DPP6: variants seen among roughly 807,000 people sequenced by gnomAD.
DPP6 encodes A-type potassium channel modulatory protein DPP6.
Under a neutral mutation model 122.6 loss-of-function variants are expected in DPP6, and 69 were observed. That is an observed-to-expected ratio of 0.56 (90% CI 0.46 to 0.69). The LOEUF is 0.69. DPP6 is among the 30% of genes least tolerant of loss of function. The pLI, the probability that DPP6 is intolerant of heterozygous loss-of-function variation, is 0.00. For missense variants in DPP6, 928 were observed against 1,116.9 expected, an observed-to-expected ratio of 0.83 and a Z score of 2.41; for synonymous variants, 418 against 433.1, an observed-to-expected ratio of 0.97 and a Z score of 0.43.
upstream of DPP6, among the ~76,000 whole-genome samples, chr7:154,050,320 T>C (rs1164173080): frequency 2.6e-5 from 4 of 152,246 alleles, no homozygotes; most frequent in Non-Finnish European, 5.9e-5. Context: ...CACATATGCT[T>C]TATCCCAATA....
At chr7:154,491,135 A>G (rs534469071) in intron 3 of DPP6, among the ~76,000 whole-genome samples, 2 of 152,298 alleles carry the variant, frequency 1.3e-5, no homozygotes, top group East Asian at 3.9e-4. Flanking sequence ...TTTCTTCTCA[A>G]TGGCTTCTGA....
In DPP6 at chr7:154,815,497, A is replaced by G. The variant is rs373737870; in HGVS notation, c.1666+8385A>G. 3.3e-5 allele frequency among the ~76,000 whole-genome samples: 5 copies of G among 152,356 alleles called. No homozygotes were observed. The East Asian group carries it at 7.7e-4, about 23-fold the overall frequency. On this transcript the variant is annotated intron_variant, in intron 16 of 25. Coordinates refer to ENST00000377770, the MANE Select transcript of DPP6 (RefSeq NM_130797.4). The stretch of plus-strand genomic sequence containing the variant: ...GAGAGAACTGGATTTTTCTCTTCAA[A>G]ATGAATCTCAAGAGTATGATTTATT...
chr7:154,060,636 GA>G (rs1282372661), intron 1 of DPP6, among the ~76,000 whole-genome samples: 1 of 139,070 alleles, frequency 7.2e-6, no homozygotes, highest in African/African-American at 2.8e-5. Flanking sequence ...CCCATCGCAG[GA>G]GGGGGAGGCA....
At chr7:154,759,030 A>G (rs1193640241) in intron 8 of DPP6, among the ~76,000 whole-genome samples, 1 of 152,170 alleles carries the variant, frequency 6.6e-6, no homozygotes, top group East Asian at 1.9e-4. Flanking sequence ...AGGGGCCTAG[A>G]GTCTATGAAA....
chr7:154,713,451 C>T (rs1373242497), intron 7 of DPP6, among the ~76,000 whole-genome samples: 1 of 152,254 alleles, frequency 6.6e-6, no homozygotes, highest in Non-Finnish European at 1.5e-5. Flanking sequence ...CCCACCTCTG[C>T]AGCAAACTTC....
chr7:154,381,865 G>A (rs982303605), intron 1 of DPP6, among the ~76,000 whole-genome samples: 3 of 152,072 alleles, frequency 2.0e-5, no homozygotes, highest in African/African-American at 2.4e-5. Context: ...CCTGGGCCGG[G>A]CCCTTCAAAA....
chr7:154,869,336 C>G (rs77705626), intron 18 of DPP6, among the ~76,000 whole-genome samples: 3,703 of 152,222 alleles, frequency 0.024, 161 homozygotes, highest in African/African-American at 0.084. Flanking sequence ...GCTCACCCCA[C>G]GAAACAAAAA....
chr7:154,780,381 T>C (rs891276226), intron 10 of DPP6, among the ~76,000 whole-genome samples: 3 of 152,210 alleles, frequency 2.0e-5, no homozygotes, highest in African/African-American at 7.2e-5. Context: ...TGGCCTGTGT[T>C]TGAAAGGGCA....
intron 1 of DPP6, among the ~76,000 whole-genome samples, chr7:154,316,770 T>G (rs1807464743): frequency 6.6e-6 from 1 of 152,122 alleles, no homozygotes; most frequent in Admixed American, 6.6e-5. Flanking sequence ...AATGCTTTCT[T>G]ACACAGAAGT....
intron 3 of DPP6, among the ~76,000 whole-genome samples, chr7:154,540,044 T>C (rs765803033): frequency 2.6e-5 from 4 of 151,914 alleles, no homozygotes; most frequent in African/African-American, 4.9e-5. Flanking sequence ...GATGTATAGA[T>C]TCAAAGGTAT....
intron 7 of DPP6, among the ~76,000 whole-genome samples, chr7:154,700,004 G>C (rs1043828213): frequency 2.6e-5 from 4 of 152,200 alleles, no homozygotes; most frequent in African/African-American, 9.7e-5. Flanking sequence ...AGGTAACATA[G>C]CCCTGAAATG....
intron 1 of DPP6, among the ~76,000 whole-genome samples, chr7:154,363,680 AT>A (rs1275905029): frequency 6.6e-6 from 1 of 152,120 alleles, no homozygotes; most frequent in African/African-American, 2.4e-5. Context: ...GAAAATGTCT[AT>A]TTTTTAAGAC....
intron 1 of DPP6, among the ~76,000 whole-genome samples, chr7:154,333,678 T>G (rs1809151460): frequency 6.6e-6 from 1 of 152,250 alleles, no homozygotes; most frequent in African/African-American, 2.4e-5. Flanking sequence ...TGAAGACTGT[T>G]TTGAATCATT....
chr7:154,892,655 G>A lies in DPP6; in HGVS notation c.*175G>A, dbSNP rs756391380. ...TGCTTGGGAAACAAGCTCCTTCCCCGGGGTCATCACTCACGGCCTCCATGG... is the reference window on the plus strand; with the variant it reads ...TGCTTGGGAAACAAGCTCCTTCCCCAGGGTCATCACTCACGGCCTCCATGG... On this transcript the variant is annotated 3_prime_UTR_variant, in exon 26 of 26. Transcript: ENST00000377770. 2.7e-5 allele frequency: 36 copies of A among 1,342,084 alleles called. No individual in the cohort carries two copies. Among genetic ancestry groups the A allele is most frequent in the Admixed American group, 2.0e-4 (11 of 54,670 alleles). The allele number at this position is 1,342,084 out of a possible 1,614,324, so 83.1% of individuals were successfully genotyped here. A position where few individuals can be genotyped will look rare whatever the true frequency, so the allele number is the denominator to read the frequency against.
intron 7 of DPP6, among the ~76,000 whole-genome samples, chr7:154,723,908 C>G (rs1841941038): frequency 6.6e-6 from 1 of 152,086 alleles, no homozygotes; most frequent in Non-Finnish European, 1.5e-5. Flanking sequence ...TGTGAGGTAC[C>G]CATAAGGATG....
chr7:153,982,947 G>A (rs1796666223), intron 1 of DPP6, among the ~76,000 whole-genome samples: 1 of 152,190 alleles, frequency 6.6e-6, no homozygotes, highest in Non-Finnish European at 1.5e-5. Flanking sequence ...CCCACCAGAT[G>A]CCAGTCAGAG....
At chr7:154,137,658 T>TGGGGGGGGG (rs1163077821) in intron 1 of DPP6, among the ~76,000 whole-genome samples, 2 of 48,384 alleles carry the variant, frequency 4.1e-5, no homozygotes, top group Admixed American at 2.2e-4. Flanking sequence ...GGTGGGGGGG[T>TGGGGGGGGG]GGGGGGGGTG....
chr7:154,835,550 A>T (rs573147737), intron 16 of DPP6, among the ~76,000 whole-genome samples: 3 of 152,110 alleles, frequency 2.0e-5, no homozygotes, highest in African/African-American at 7.2e-5. Context: ...GCTTGCTTTA[A>T]ATCACTACCT....
At chr7:154,679,502 C>A (rs1432154852) in intron 7 of DPP6, among the ~76,000 whole-genome samples, 1 of 152,160 alleles carries the variant, frequency 6.6e-6, no homozygotes, top group African/African-American at 2.4e-5. Flanking sequence ...ATGGGCCCGT[C>A]GCCTCCTCCT....
Sources: gnomAD v4.1 joint callset for allele counts (sites outside exome capture counted in the v4.1 genomes callset) on GRCh38, gnomAD v4.1.1 for gene constraint, MANE v1.5 for transcripts, NCBI Gene and HGNC (gene_info 2026-07-23, HGNC 2026-07-21) for gene names.